The following PCDHA7 variants were observed in gnomAD, a reference collection of about 807,000 sequenced individuals.
PCDHA7 encodes protocadherin alpha-7.
Under a neutral mutation model 57.2 loss-of-function variants are expected in PCDHA7, and 37 were observed. That is an observed-to-expected ratio of 0.65 (90% CI 0.50 to 0.85). The LOEUF (loss-of-function observed/expected upper bound fraction) is 0.85. Among genes scored for constraint, PCDHA7 ranks in the 40% least tolerant of loss-of-function variants. The pLI, the probability that PCDHA7 is intolerant of heterozygous loss-of-function variation, is 0.00. For missense variants in PCDHA7, 1,188 were observed against 1,241.8 expected, an observed-to-expected ratio of 0.96 and a Z score of 0.65; for synonymous variants, 553 against 558.8, an observed-to-expected ratio of 0.99 and a Z score of 0.15.
intron 1 of PCDHA7, chr5:140,929,452 T>C: frequency 1.5e-6 from 2 of 1,366,592 alleles, no homozygotes; most frequent in Non-Finnish European, 2.0e-6. Context: ...TTCTTAGCAC[T>C]TCCTGTGCCA....
intron 1 of PCDHA7, chr5:140,848,946 C>G (rs2150425951): frequency 1.2e-6 from 2 of 1,607,130 alleles, no homozygotes; most frequent in African/African-American, 2.7e-5. Context: ...GCTTGACTCT[C>G]GGTTTCCACT....
At chr5:140,858,742 T>A in intron 1 of PCDHA7, 1 of 467,252 alleles carries the variant, frequency 2.1e-6, no homozygotes, top group African/African-American at 2.0e-5. Flanking sequence ...ACTTTCATAA[T>A]CACTTTTCGT....
chr5:141,000,447 G>C (rs2097938373), intron 3 of PCDHA7, among the ~76,000 whole-genome samples: 1 of 41,758 alleles, frequency 2.4e-5, no homozygotes, highest in Admixed American at 2.7e-4. Flanking sequence ...TTTTTTTTGA[G>C]ACAGAGTTTT....
chr5:140,839,524 G>A (rs1776264287), intron 1 of PCDHA7, among the ~76,000 whole-genome samples: 1 of 151,794 alleles, frequency 6.6e-6, no homozygotes, highest in Non-Finnish European at 1.5e-5. Context: ...CAAGTTGCTG[G>A]GACTATAGGC....
chr5:140,957,169 A>T (rs868935808), intron 1 of PCDHA7, among the ~76,000 whole-genome samples: 16 of 152,164 alleles, frequency 1.1e-4, no homozygotes, highest in African/African-American at 3.9e-4. Flanking sequence ...CTAAGTATAT[A>T]AATTGGTTTA....
At chr5:140,923,142 T>TA (rs1262526439) in intron 1 of PCDHA7, among the ~76,000 whole-genome samples, 1 of 152,006 alleles carries the variant, frequency 6.6e-6, no homozygotes, top group African/African-American at 2.4e-5. Context: ...AGGTGGAATA[T>TA]AAAAAAAATT....
chr5:140,858,010 C>A, intron 1 of PCDHA7: 2 of 1,596,490 alleles, frequency 1.3e-6, no homozygotes, highest in Middle Eastern at 3.3e-4. Flanking sequence ...AGGACCATGG[C>A]GAGCCGTCGC....
intron 2 of PCDHA7, 38 bp from the exon 3 acceptor site, chr5:140,982,437 A>G: frequency 6.2e-7 from 1 of 1,613,390 alleles, no homozygotes; most frequent in East Asian, 2.2e-5. Flanking sequence ...GAAAGAATTT[A>G]TGATCTAACC....
rs2150339542 is a variant in PCDHA7 at position 140,842,572 on chromosome 5, A to T, written c.2355+5834A>T. 7.8e-6 allele frequency: 12 copies of T among 1,538,104 alleles called. 2 individuals carry two copies. In the South Asian group the frequency reaches 8.0e-5, roughly 10 times the overall value. On this transcript the variant is annotated intron_variant, in intron 1 of 3. Transcript: ENST00000525929. Reference sequence around the variant, plus strand: ...TGGACAGCGCCCTGGACCGCGAGAGAGTGTCGGCCTATGAGTTGGTGGTAA... The same window carrying T: ...TGGACAGCGCCCTGGACCGCGAGAGTGTGTCGGCCTATGAGTTGGTGGTAA...
intron 1 of PCDHA7, among the ~76,000 whole-genome samples, chr5:140,911,721 A>G (rs1442469379): frequency 6.6e-6 from 1 of 152,168 alleles, no homozygotes; most frequent in African/African-American, 2.4e-5. Context: ...GTAACTCTGT[A>G]AACAGTTCGT....
At chr5:140,889,645 A>AG (rs1314365000) in intron 1 of PCDHA7, among the ~76,000 whole-genome samples, 1 of 152,040 alleles carries the variant, frequency 6.6e-6, no homozygotes, top group African/African-American at 2.4e-5. Context: ...TTGTGTTTGC[A>AG]GGAGATGTCC....
At chr5:140,857,467 C>T in intron 1 of PCDHA7, 3 of 1,598,642 alleles carry the variant, frequency 1.9e-6, no homozygotes, top group Non-Finnish European at 2.6e-6. Flanking sequence ...GCTGCCACAT[C>T]TTCACGGTGT....
intron 1 of PCDHA7, chr5:140,861,443 C>T (rs782609099): frequency 4.1e-6 from 2 of 493,194 alleles, no homozygotes; most frequent in Non-Finnish European, 8.3e-6. Context: ...CCAAAAGCCG[C>T]AGAAACCTTC....
rs1379948594 is a variant in PCDHA7, at chr5:140,982,575, G to A, written c.2503+12G>A. ...CAGTGCAACACCAGGTAAAGAGCTGGGGTCTCTCCATTCTTTCTTGGTTTC... is the reference window on the plus strand; with the variant it reads ...CAGTGCAACACCAGGTAAAGAGCTGAGGTCTCTCCATTCTTTCTTGGTTTC... On this transcript the variant is annotated intron_variant, in intron 3 of 3. Coordinates refer to ENST00000525929, the MANE Select transcript of PCDHA7 (RefSeq NM_018910.3). The A allele has an allele frequency of 6.2e-7, 1 of 1,613,444 alleles. No homozygotes were observed. The highest frequency in any genetic ancestry group is 8.5e-7 in the Non-Finnish European group (1 of 1,179,518).
chr5:140,834,332 A>G lies in PCDHA7; in HGVS notation c.-52A>G, dbSNP rs1179395632. On this transcript the variant is annotated 5_prime_UTR_variant, in exon 1 of 4. Coordinates refer to ENST00000525929, the MANE Select transcript of PCDHA7 (RefSeq NM_018910.3). ...GAAATGAAGGGATAAAAACATTCCT[A>G]TAAATTCGAAGGCAAGTTTTGCTGA... is the stretch of plus-strand genomic sequence containing the variant. The G allele has an allele frequency of 4.7e-6, 7 of 1,485,034 alleles. No homozygotes were observed. Among genetic ancestry groups the G allele is most frequent in the Non-Finnish European group, 6.4e-6 (7 of 1,097,436 alleles). 92.0% of individuals were successfully genotyped at this position (1,485,034 alleles called of 1,614,324 possible). A position where few individuals can be genotyped will look rare whatever the true frequency, so the allele number is the denominator to read the frequency against.
At position 140,983,424 on chromosome 5, in the gene PCDHA7, A is replaced by G. The variant is rs115903969; in HGVS notation, c.2503+861A>G. On this transcript the variant is annotated intron_variant, in intron 3 of 3. Transcript: ENST00000525929. ...GGAAGATTAAGTGTTGGTAGAGACC[A>G]CAAATTGTGTCTACTCTAATCCTCT... Among the ~76,000 whole-genome samples, 1,234 of 152,366 alleles carry G rather than the reference A, an allele frequency of 8.1e-3. 22 individuals are homozygous for G. Among genetic ancestry groups the G allele is most frequent in the African/African-American group, 0.028 (1,160 of 41,578 alleles).
chr5:140,851,545 G>A, intron 1 of PCDHA7: 1 of 908,276 alleles, frequency 1.1e-6, no homozygotes, highest in East Asian at 1.2e-4. Context: ...GATAATTCAA[G>A]AAATGTTGAC....
At chr5:140,849,732 C>T (rs2150447355) in intron 1 of PCDHA7, 6 of 1,598,488 alleles carry the variant, frequency 3.8e-6, no homozygotes, top group Non-Finnish European at 5.1e-6. Flanking sequence ...GGACAGAGCT[C>T]TGGACCGCGA....
intron 1 of PCDHA7, chr5:140,850,605 A>T (rs2041706241): frequency 6.3e-7 from 1 of 1,598,464 alleles, no homozygotes; most frequent in African/African-American, 1.3e-5. Flanking sequence ...GATCATCGCC[A>T]TCTGCGCGGT....
Sources: gnomAD v4.1 joint callset for allele counts (sites outside exome capture counted in the v4.1 genomes callset) on GRCh38, gnomAD v4.1.1 for gene constraint, MANE v1.5 for transcripts, NCBI Gene and HGNC (gene_info 2026-07-23, HGNC 2026-07-21) for gene names.